WDFY4: variants seen among roughly 807,000 people sequenced by gnomAD.
The protein encoded by WDFY4 is WD repeat- and FYVE domain-containing protein 4.
Under a neutral mutation model 351.9 loss-of-function variants are expected in WDFY4, and 169 were observed. That is an observed-to-expected ratio of 0.48 (90% CI 0.42 to 0.55). The LOEUF is 0.55. Among genes scored for constraint, WDFY4 ranks in the 20% least tolerant of loss-of-function variants. The probability of loss-of-function intolerance (pLI) is 0.00; values close to 1 mark genes in which losing one functional copy is unlikely to be tolerated. For synonymous variants in WDFY4, 1,622 were observed against 1,574.6 expected (o/e 1.03, Z -0.71); for missense variants, 3,803 against 3,935.6 (o/e 0.97, Z 0.90).
chr10:48,773,835 A>G (rs976757661), intron 13 of WDFY4, among the ~76,000 whole-genome samples: 1 of 152,134 alleles, frequency 6.6e-6, no homozygotes. Context: ...CAGAGTGTGT[A>G]TGTTTGGTAA....
chr10:48,837,329 C>G (rs1423435097), intron 39 of WDFY4, among the ~76,000 whole-genome samples: 1 of 151,978 alleles, frequency 6.6e-6, no homozygotes, highest in African/African-American at 2.4e-5. Flanking sequence ...GGGGCCAAGG[C>G]AGTGGGTAAA....
chr10:48,966,664 A>T lies in WDFY4; in HGVS notation c.8575A>T (p.Thr2859Ser), dbSNP rs780512648. 25 of 1,551,384 alleles carry T rather than the reference A, an allele frequency of 1.6e-5. No homozygotes were observed. ...SLQSLRPSQV[T>S]VKDMYLFSLG... Reference sequence around the variant, plus strand: ...GCAGTCGCTGAGGCCCTCCCAGGTCACGGTCAAAGGTGATTCCCTGGCCAT... The same window carrying T: ...GCAGTCGCTGAGGCCCTCCCAGGTCTCGGTCAAAGGTGATTCCCTGGCCAT... The change falls in exon 55 of 62, where the codon ACG (threonine) becomes TCG (serine). Residue 2859 changes from threonine to serine, a missense_variant. Around this residue, in one of 3 missense-constraint regions of WDFY4, gnomAD observed 3,054 missense variants for 3,148.6 expected, o/e 0.97. Transcript: ENST00000325239.
At chr10:48,867,734 A>C (rs1167319106) in intron 40 of WDFY4, among the ~76,000 whole-genome samples, 1 of 152,228 alleles carries the variant, frequency 6.6e-6, no homozygotes, top group Non-Finnish European at 1.5e-5. Context: ...GCTGATAGAG[A>C]ATGGATAACC....
At chr10:48,822,280 AG>A in intron 34 of WDFY4, 99 bp from the exon 35 acceptor site, 1 of 1,289,736 alleles carries the variant, frequency 7.8e-7, no homozygotes, top group Non-Finnish European at 1.0e-6. Context: ...GGGTACACAG[AG>A]GTGAATAAGA....
At chr10:48,738,850 G>T (rs558195974) in intron 11 of WDFY4, among the ~76,000 whole-genome samples, 5 of 152,256 alleles carry the variant, frequency 3.3e-5, no homozygotes, top group South Asian at 4.1e-4. Context: ...ATCTCCGAAG[G>T]GCATTCACAG....
chr10:48,738,770 C>T (rs2064755638), intron 11 of WDFY4, among the ~76,000 whole-genome samples: 1 of 152,176 alleles, frequency 6.6e-6, no homozygotes, highest in Admixed American at 6.5e-5. Flanking sequence ...CCAACTCTGC[C>T]CATAGGGACT....
At chr10:48,863,073 G>A (rs1425440828) in intron 39 of WDFY4, among the ~76,000 whole-genome samples, 3 of 152,070 alleles carry the variant, frequency 2.0e-5, no homozygotes, top group African/African-American at 4.8e-5. Flanking sequence ...CATATAGACA[G>A]ACCATATTTT....
At chr10:48,837,247 G>A (rs972272188) in intron 39 of WDFY4, among the ~76,000 whole-genome samples, 11 of 151,986 alleles carry the variant, frequency 7.2e-5, no homozygotes, top group Non-Finnish European at 1.6e-4. Flanking sequence ...CTGGGAGGAG[G>A]AAGGTCAAAG....
At chr10:48,974,519 A>AAAAAAAAAAAAAAAAAAAAAACAAC (rs1352344126) in intron 57 of WDFY4, among the ~76,000 whole-genome samples, 11 of 49,970 alleles carry the variant, frequency 2.2e-4, no homozygotes, top group African/African-American at 4.9e-4. Flanking sequence ...AAAAAAAAAA[A>AAAAAAAAAAAAAAAAAAAAAACAAC]AAAAAAAAAA....
At chr10:48,770,098 GA>G (rs1312016934) in intron 13 of WDFY4, among the ~76,000 whole-genome samples, 2 of 152,150 alleles carry the variant, frequency 1.3e-5, no homozygotes, top group African/African-American at 4.8e-5. Context: ...AACTAACGTT[GA>G]AAAAAACAGC....
At chr10:48,882,304 G>A (rs539190647) in intron 43 of WDFY4, among the ~76,000 whole-genome samples, 119 of 152,284 alleles carry the variant, frequency 7.8e-4, no homozygotes, top group African/African-American at 2.8e-3. Flanking sequence ...TGCCCAGGAG[G>A]GCAGCTTGGC....
chr10:48,703,939 T>G (rs184453243), intron 1 of WDFY4, among the ~76,000 whole-genome samples: 1 of 152,176 alleles, frequency 6.6e-6, no homozygotes, highest in Admixed American at 6.5e-5. Context: ...CCTGGGGGCA[T>G]GCATGGCCAC....
chr10:48,767,043 T>G (rs1281548608), intron 13 of WDFY4, among the ~76,000 whole-genome samples: 1 of 152,198 alleles, frequency 6.6e-6, no homozygotes, highest in Non-Finnish European at 1.5e-5. Flanking sequence ...AGGCCATCAA[T>G]TTATGACCCA....
At chr10:48,910,197 C>T (rs748066001) in intron 47 of WDFY4, 14 of 865,854 alleles carry the variant, frequency 1.6e-5, no homozygotes, top group East Asian at 3.5e-5. Context: ...GTCGTTTATT[C>T]TGTTAGCTGA....
chr10:48,814,271 T>C (rs1210485866), intron 31 of WDFY4, among the ~76,000 whole-genome samples, 189 bp downstream of exon 31: 1 of 152,260 alleles, frequency 6.6e-6, no homozygotes, highest in Non-Finnish European at 1.5e-5. Flanking sequence ...TATAGGTCTC[T>C]GAGCTTTATG....
At chr10:48,878,301 T>A (rs547151787) in intron 43 of WDFY4, among the ~76,000 whole-genome samples, 1 of 152,208 alleles carries the variant, frequency 6.6e-6, no homozygotes, top group South Asian at 2.1e-4. Flanking sequence ...GCACGAGAGC[T>A]GGAGGCTAGT....
At chr10:48,768,798 A>G (rs1272174383) in intron 13 of WDFY4, among the ~76,000 whole-genome samples, 1 of 152,038 alleles carries the variant, frequency 6.6e-6, no homozygotes, top group African/African-American at 2.4e-5. Flanking sequence ...AAGTATGGAC[A>G]GTGCTGGTTG....
rs1002720189 is a variant in WDFY4 at position 48,792,185 on chromosome 10, C to T, written c.4257+1268C>T. Among the ~76,000 whole-genome samples, 7 of 152,266 alleles carry T rather than the reference C, an allele frequency of 4.6e-5. No homozygotes were observed. In the East Asian group the frequency reaches 5.8e-4, roughly 13 times the overall value. ...TATGACTTTGTGTGCCTGTGGCCTC[C>T]GCTCAGAGCACCTCTTTTTTTCTCC... On this transcript the variant is annotated intron_variant, in intron 23 of 61. Transcript: ENST00000325239.
At chr10:48,953,420 A>C (rs2133809118) in intron 51 of WDFY4, among the ~76,000 whole-genome samples, 1 of 151,644 alleles carries the variant, frequency 6.6e-6, no homozygotes, top group South Asian at 2.1e-4. Context: ...TGGGCGGTTA[A>C]AGAGATTAAG....
Sources: gnomAD v4.1 joint callset for allele counts (sites outside exome capture counted in the v4.1 genomes callset) on GRCh38, gnomAD v4.1.1 for gene constraint, gnomAD v4.1.1 regional missense constraint, MANE v1.5 for transcripts, NCBI Gene and HGNC (gene_info 2026-07-23, HGNC 2026-07-21) for gene names.